PIPOX: variants seen among roughly 807,000 people sequenced by gnomAD.
The protein encoded by PIPOX is peroxisomal sarcosine oxidase.
Under a neutral mutation model 47.9 loss-of-function variants are expected in PIPOX, and 45 were observed. The ratio of observed to expected loss-of-function variants is 0.94; its 90% CI spans 0.74 to 1.20. The LOEUF (loss-of-function observed/expected upper bound fraction) is 1.20, where lower values mean the gene tolerates loss of function less well. PIPOX is among the 50% of genes most tolerant of loss of function. The pLI is 0.00. For synonymous variants in PIPOX, 165 were observed against 191.3 expected, an observed-to-expected ratio of 0.86 and a Z score of 1.13; for missense variants, 458 against 498.4, an observed-to-expected ratio of 0.92 and a Z score of 0.77.
intron 5 of PIPOX, 110 bp downstream of exon 5, chr17:29,054,801 G>T: frequency 7.7e-7 from 1 of 1,291,496 alleles, no homozygotes; most frequent in South Asian, 1.4e-5. Flanking sequence ...AGCAGCAGGA[G>T]CCTGCTTCAC....
At chr17:29,054,931 CACAG>C in intron 5 of PIPOX, 128 bp from the exon 6 acceptor site, 1 of 1,285,722 alleles carries the variant, frequency 7.8e-7, no homozygotes, top group East Asian at 2.4e-5. Context: ...GGTGACAGCC[CACAG>C]CACCTGCCAG....
intron 2 of PIPOX, chr17:29,051,838 G>A (rs1444784232): frequency 2.3e-6 from 1 of 429,080 alleles, no homozygotes; most frequent in Middle Eastern, 8.0e-4. Context: ...AGCATCCCGG[G>A]CCCCTGCCCA....
At chr17:29,055,016 G>A (rs758823878) in intron 5 of PIPOX, 47 bp from the exon 6 acceptor site, 2 of 1,611,468 alleles carry the variant, frequency 1.2e-6, no homozygotes, top group Non-Finnish European at 8.5e-7. Flanking sequence ...GTGGGTGTGT[G>A]TGGAAGGCCA....
intron 2 of PIPOX, among the ~76,000 whole-genome samples, chr17:29,050,404 G>T (rs1396648431): frequency 6.6e-6 from 1 of 152,208 alleles, no homozygotes; most frequent in African/African-American, 2.4e-5. Context: ...TGAGTAAGAA[G>T]TTTACTAGGG....
chr17:29,055,672 A>G, intron 6 of PIPOX, 141 bp from the exon 7 acceptor site: 1 of 741,956 alleles, frequency 1.3e-6, no homozygotes, highest in South Asian at 1.6e-5. Flanking sequence ...CCAGAGGGGC[A>G]CGGGCATGCG....
chr17:29,056,180 G>A lies in PIPOX; in HGVS notation c.1048G>A (p.Gly350Arg), dbSNP rs759765528. The A allele has an allele frequency of 2.5e-5, 41 of 1,614,022 alleles. No homozygotes were observed. The highest frequency in any genetic ancestry group is 1.6e-4 in the Middle Eastern group (1 of 6,084). ...IVIGAGFSGH[G>R]FKLAPVVGKI... ...GTCTGCTCTTCCCTTCCTAGGGCAC[G>A]GGTTCAAGCTGGCCCCTGTGGTGGG... The change falls in exon 8 of 8, where the codon GGG (glycine) becomes AGG (arginine). Residue 350 changes from glycine (G) to arginine (R), a missense_variant. By Grantham distance (125) the Gly-to-Arg change is moderately radical (BLOSUM62 -2). Transcript: ENST00000323372.
chr17:29,053,346 G>A lies in PIPOX; in HGVS notation c.478-67G>A, dbSNP rs546142087. 1.1e-4 allele frequency: 168 copies of A among 1,510,632 alleles called. 6 individuals are homozygous for A. In the South Asian group the frequency reaches 2.0e-3, roughly 18 times the overall value. 93.6% of individuals were successfully genotyped at this position (1,510,632 alleles called of 1,614,324 possible). A position where few individuals can be genotyped will look rare whatever the true frequency, so the allele number is the denominator to read the frequency against. ...CACTCTTTTCTGCCCCAGGCAAAAG[G>A]CTTTCTGTCCACCAGGGTGAACCAC... On this transcript the variant is annotated intron_variant, in intron 3 of 7. Coordinates refer to ENST00000323372, the MANE Select transcript of PIPOX (RefSeq NM_016518.3).
At chr17:29,052,280 C>T (rs2065809318) in intron 2 of PIPOX, among the ~76,000 whole-genome samples, 2 of 152,236 alleles carry the variant, frequency 1.3e-5, no homozygotes, top group Admixed American at 6.5e-5. Context: ...ACTGACTGAA[C>T]TTCCACCACT....
At chr17:29,047,157 G>T (rs1236734588) in intron 2 of PIPOX, among the ~76,000 whole-genome samples, 1 of 152,114 alleles carries the variant, frequency 6.6e-6, no homozygotes, top group Non-Finnish European at 1.5e-5. Flanking sequence ...CATGGTGGTG[G>T]ACACCTGTAA....
At chr17:29,056,020 G>C in intron 7 of PIPOX, 132 bp downstream of exon 7, 1 of 1,260,934 alleles carries the variant, frequency 7.9e-7, no homozygotes, top group Non-Finnish European at 1.2e-6. Context: ...AAGGAGGCTG[G>C]GCAGTCAGAA....
At position 29,044,936 on chromosome 17, in the gene PIPOX, C is replaced by T. The variant is rs1157528436; in HGVS notation, c.192C>T (p.Tyr64=). 7.4e-6 allele frequency: 12 copies of T among 1,614,160 alleles called. No homozygotes were observed. The highest frequency in any genetic ancestry group is 1.0e-5 in the Non-Finnish European group (12 of 1,180,008). The change falls in exon 2 of 8, where the codon TAC becomes TAT. Residue 64 remains tyrosine (Y), a synonymous_variant. Coordinates refer to ENST00000323372, the MANE Select transcript of PIPOX (RefSeq NM_016518.3). ...IIRKAYLEDF[Y]TRMMHECYQI... ...GAAAGGCGTACCTGGAAGACTTTTA[C>T]ACCCGGATGATGCATGAGTGCTATC...
At chr17:29,052,616 G>A (rs1273829030) in intron 2 of PIPOX, among the ~76,000 whole-genome samples, 1 of 152,256 alleles carries the variant, frequency 6.6e-6, no homozygotes, top group African/African-American at 2.4e-5. Flanking sequence ...CTGGAGTGCA[G>A]TGGTGCAATC....
chr17:29,054,788 G>A (rs2065820777), intron 5 of PIPOX, 97 bp downstream of exon 5: 1 of 1,384,752 alleles, frequency 7.2e-7, no homozygotes, highest in Admixed American at 2.1e-5. Context: ...GGGTCTCGGG[G>A]CCAGCAGCAG....
At chr17:29,047,490 T>A (rs1390606324) in intron 2 of PIPOX, among the ~76,000 whole-genome samples, 1 of 152,006 alleles carries the variant, frequency 6.6e-6, no homozygotes, top group South Asian at 2.1e-4. Flanking sequence ...GCTTTATCTA[T>A]AAATGGCCAC....
intron 6 of PIPOX, 23 bp downstream of exon 6, chr17:29,055,244 C>T: frequency 6.2e-7 from 1 of 1,613,746 alleles, no homozygotes; most frequent in South Asian, 1.1e-5. Context: ...GGCAGCCTTG[C>T]TGGGCCCCCT....
In PIPOX at chr17:29,055,185, G is replaced by A. The variant is rs2152699000; in HGVS notation, c.930G>A (p.Lys310=). The change falls in exon 6 of 8, where the codon AAG becomes AAA. Residue 310 remains lysine, a synonymous_variant. Transcript: ENST00000323372. ...SFVRDHLPDL[K]PEPAVIESCM... ...TCAGAGATCACTTACCTGATCTGAAGCCCGAGCCTGCTGTCATTGAGAGCT... is the reference window on the plus strand; with the variant it reads ...TCAGAGATCACTTACCTGATCTGAAACCCGAGCCTGCTGTCATTGAGAGCT... The A allele has an allele frequency of 6.2e-7, 1 of 1,614,180 alleles. No individual in the cohort carries two copies. The highest frequency in any genetic ancestry group is 8.5e-7 in the Non-Finnish European group (1 of 1,180,024).
chr17:29,044,999 A>G lies in PIPOX; in HGVS notation c.255A>G (p.Gln85=), dbSNP rs201240164. The change falls in exon 2 of 8, where the codon CAA becomes CAG. Residue 85 remains glutamine (Q), a synonymous_variant. Transcript: ENST00000323372. ...WAQLEHEAGT[Q]LHRQTGLLLL... ...AGCTGGAGCACGAGGCTGGAACCCA[A>G]TTGCACAGGTGGGCTGTGGGAGGAA... is the stretch of plus-strand genomic sequence containing the variant. 7 of 1,604,702 alleles carry G rather than the reference A, an allele frequency of 4.4e-6. No homozygotes were observed. In the East Asian group the frequency reaches 6.7e-5, roughly 15 times the overall value.
chr17:29,054,969 G>A lies in PIPOX; in HGVS notation c.808-94G>A, dbSNP rs994305089. 2.7e-6 allele frequency: 4 copies of A among 1,497,386 alleles called. No individual in the cohort carries two copies. The African/African-American group carries it at 5.5e-5, about 21-fold the overall frequency. 92.8% of individuals were successfully genotyped at this position (1,497,386 alleles called of 1,614,324 possible). On this transcript the variant is annotated intron_variant, in intron 5 of 7. Coordinates refer to ENST00000323372, the MANE Select transcript of PIPOX (RefSeq NM_016518.3). ...AGGAGTGGGGAAGGCTGGAATGATGGATGGGGCTGTCCTGTGTACACGCCT... is the reference window on the plus strand; with the variant it reads ...AGGAGTGGGGAAGGCTGGAATGATGAATGGGGCTGTCCTGTGTACACGCCT...
At chr17:29,045,047 C>A in intron 2 of PIPOX, 40 bp downstream of exon 2, 1 of 1,552,000 alleles carries the variant, frequency 6.4e-7, no homozygotes, top group Non-Finnish European at 8.7e-7. Context: ...TGGGGCTCTG[C>A]ACCTGCAGGT....
Sources: allele counts gnomAD v4.1 joint callset (sites outside exome capture counted in the v4.1 genomes callset), GRCh38; gene constraint gnomAD v4.1.1; transcripts MANE v1.5; gene names NCBI Gene and HGNC (gene_info 2026-07-23, HGNC 2026-07-21).